Variants in MBOAT4 observed in about 807,000 individuals in gnomAD.
The protein encoded by MBOAT4 is membrane-bound ghrelin O-acyltransferase MBOAT4.
MBOAT4 carries 11 observed loss-of-function variants against 13.2 expected under a neutral mutation model. The ratio of observed to expected loss-of-function variants is 0.84; its 90% CI spans 0.53 to 1.38. MBOAT4 has a LOEUF of 1.38. Ranked by LOEUF, MBOAT4 falls within the 40% of genes most tolerant of loss-of-function variation. The pLI, the probability that MBOAT4 is intolerant of heterozygous loss-of-function variation, is 0.00. For synonymous variants in MBOAT4, 202 were observed against 210.3 expected (o/e 0.96, Z 0.34); for missense variants, 481 against 527.2 (o/e 0.91, Z 0.86).
chr8:30,142,920 T>C (rs904420445), intron 1 of MBOAT4, among the ~76,000 whole-genome samples: 3 of 152,178 alleles, frequency 2.0e-5, no homozygotes, highest in African/African-American at 4.8e-5. Flanking sequence ...TATATAAAAA[T>C]CCTAATTCCC....
intron 2 of MBOAT4, chr8:30,137,434 T>A (rs1172651280): frequency 6.4e-7 from 1 of 1,551,678 alleles, no homozygotes; most frequent in South Asian, 1.2e-5. Context: ...CAGTGCTGAG[T>A]CACTTCTGGG....
At chr8:30,138,377 T>C (rs1218075133) in intron 2 of MBOAT4, 155 bp downstream of exon 2, 2 of 593,340 alleles carry the variant, frequency 3.4e-6, no homozygotes, top group African/African-American at 3.7e-5. Context: ...GAAAAAGAAA[T>C]GAGTCTGAAA....
At chr8:30,133,748 C>T (rs1803076589) in intron 2 of MBOAT4, among the ~76,000 whole-genome samples, 2 of 143,394 alleles carry the variant, frequency 1.4e-5, no homozygotes, top group Admixed American at 1.4e-4. Flanking sequence ...ATGATTGCAC[C>T]ACTGCACTCC....
intron 1 of MBOAT4, among the ~76,000 whole-genome samples, chr8:30,141,275 T>C (rs1780712681): frequency 6.6e-6 from 1 of 152,210 alleles, no homozygotes; most frequent in African/African-American, 2.4e-5. Context: ...TTCTTCCTTC[T>C]GCATTATATG....
chr8:30,132,749 A>T lies in MBOAT4; in HGVS notation c.502T>A (p.Tyr168Asn). The T allele has an allele frequency of 6.4e-7, 1 of 1,551,722 alleles. No homozygotes were observed. The highest frequency in any genetic ancestry group is 8.7e-7 in the Non-Finnish European group (1 of 1,147,004). Residue 168 changes from tyrosine (Y) to asparagine (N), a missense_variant, in exon 3 of 3, where the codon TAC (tyrosine) becomes AAC (asparagine). By Grantham distance (143) the Tyr-to-Asn change is moderately radical. Coordinates refer to ENST00000320542, the MANE Select transcript of MBOAT4 (RefSeq NM_001100916.2). ...AGGAGAGCAGGGAAAAAGAGCAAGT[A>T]GCTGAAATAGGGCAGTGCCTTACAC... ...HVCKALPYFS[Y>N]LLFFPALLGG...
intron 1 of MBOAT4, among the ~76,000 whole-genome samples, chr8:30,140,237 A>G (rs1017246457): frequency 2.0e-5 from 3 of 152,120 alleles, no homozygotes; most frequent in Admixed American, 6.5e-5. Context: ...GAGTTTTGCC[A>G]TGTTGGCCAG....
chr8:30,134,867 T>C (rs563003981), intron 2 of MBOAT4, among the ~76,000 whole-genome samples: 1 of 151,028 alleles, frequency 6.6e-6, no homozygotes, highest in East Asian at 2.0e-4. Context: ...CTTTTCTTTT[T>C]TCTTTTCTTT....
chr8:30,144,625 G>A lies in MBOAT4; in HGVS notation c.-24C>T. On this transcript the variant is annotated 5_prime_UTR_variant, in exon 1 of 3. Coordinates refer to ENST00000320542, the MANE Select transcript of MBOAT4 (RefSeq NM_001100916.2). ...ATTAGGAACCAGAACAAAAGAGCCT[G>A]TCTTTTCCAGTGTCCTTAACTGATG... The A allele has an allele frequency of 2.1e-6, 3 of 1,436,544 alleles. No homozygotes were observed. Among genetic ancestry groups the A allele is most frequent in the Non-Finnish European group, 2.9e-6 (3 of 1,047,616 alleles). 89.0% of individuals were successfully genotyped at this position (1,436,544 alleles called of 1,614,324 possible).
At chr8:30,136,043 A>C (rs978605655) in intron 2 of MBOAT4, among the ~76,000 whole-genome samples, 4 of 152,150 alleles carry the variant, frequency 2.6e-5, no homozygotes, top group African/African-American at 9.7e-5. Context: ...ATTTAAGAAA[A>C]ACTGACCCCG....
rs76191438 is a variant in MBOAT4, at chr8:30,135,111, C to G, written c.345-2205G>C. ...TTCACTATGTTGGCCTGGCTAGTCT[C>G]AAACTCCTGGCCTCAAGTGATCCAC... is the stretch of plus-strand genomic sequence containing the variant. On this transcript the variant is annotated intron_variant, in intron 2 of 2. Coordinates refer to ENST00000320542, the MANE Select transcript of MBOAT4 (RefSeq NM_001100916.2). Among the ~76,000 whole-genome samples the G allele has an allele frequency of 5.4e-3, 794 of 148,236 alleles. 7 individuals carry two copies. Among genetic ancestry groups the G allele is most frequent in the African/African-American group, 0.019 (763 of 40,148 alleles).
At chr8:30,144,156 A>G (rs1400555096) in intron 1 of MBOAT4, among the ~76,000 whole-genome samples, 2 of 145,902 alleles carry the variant, frequency 1.4e-5, no homozygotes, top group East Asian at 4.0e-4. Context: ...TTTTTTTTAG[A>G]TAGAGGCTTG....
chr8:30,137,389 A>C, intron 2 of MBOAT4: 1 of 1,551,698 alleles, frequency 6.4e-7, no homozygotes, highest in Non-Finnish European at 8.7e-7. Context: ...ACCTGCAAGC[A>C]GAGTGTCCAC....
chr8:30,132,504 C>T lies in MBOAT4; in HGVS notation c.747G>A (p.Gly249=). ...GGGAGTAGTAGGTGAGCTTGAAAAG[C>T]CCAGCTGTGGTCCACACGACATAGA... ...ECIYVVWTTA[G]LFKLTYYSHW... The change falls in exon 3 of 3, where the codon GGG becomes GGA. Residue 249 remains glycine, a synonymous_variant. Coordinates refer to ENST00000320542, the MANE Select transcript of MBOAT4 (RefSeq NM_001100916.2). 1 of 1,551,704 alleles carries T rather than the reference C, an allele frequency of 6.4e-7. No individual in the cohort carries two copies. Among genetic ancestry groups the T allele is most frequent in the Non-Finnish European group, 8.7e-7 (1 of 1,146,994 alleles).
chr8:30,134,317 G>A (rs1218268201), intron 2 of MBOAT4, among the ~76,000 whole-genome samples: 1 of 152,002 alleles, frequency 6.6e-6, no homozygotes, highest in African/African-American at 2.4e-5. Flanking sequence ...TAGCTACTCG[G>A]GAGGCTGAGG....
intron 2 of MBOAT4, among the ~76,000 whole-genome samples, chr8:30,134,445 A>C (rs184767995): frequency 5.2e-4 from 79 of 152,058 alleles, no homozygotes; most frequent in Middle Eastern, 6.8e-3. Context: ...AAAAAAAAAA[A>C]CAAAAAAAAA....
rs1247198255 is a variant in MBOAT4, at chr8:30,132,104, A to G, written c.1147T>C (p.Trp383Arg). 4 of 1,551,780 alleles carry G rather than the reference A, an allele frequency of 2.6e-6. No individual in the cohort carries two copies. Among genetic ancestry groups the G allele is most frequent in the Non-Finnish European group, 3.5e-6 (4 of 1,147,010 alleles). ...PMRLFYRTLT[W>R]AHTQLIIAYI... ...GCAATGATCAACTGGGTGTGGGCCC[A>G]GGTGAGGGTTCTATAGAACAGCCTC... Residue 383 changes from tryptophan (W) to arginine (R), a missense_variant, in exon 3 of 3, where the codon TGG becomes CGG. Coordinates refer to ENST00000320542, the MANE Select transcript of MBOAT4 (RefSeq NM_001100916.2).
intron 2 of MBOAT4, chr8:30,137,559 T>C (rs991657400): frequency 1.6e-6 from 2 of 1,240,242 alleles, no homozygotes; most frequent in Non-Finnish European, 2.3e-6. Flanking sequence ...GCAGTGATGA[T>C]TAGTCACAAA....
chr8:30,131,865 T>G lies in MBOAT4; in HGVS notation c.*78A>C. ...AAATTTTATTATGGAAAAGTTCAAATGTATGCATTATCGATGCGTCATCTG... is the reference window on the plus strand; with the variant it reads ...AAATTTTATTATGGAAAAGTTCAAAGGTATGCATTATCGATGCGTCATCTG... On this transcript the variant is annotated 3_prime_UTR_variant, in exon 3 of 3. Transcript: ENST00000320542. 3 of 1,441,724 alleles carry G rather than the reference T, an allele frequency of 2.1e-6. No individual in the cohort carries two copies. The highest frequency in any genetic ancestry group is 2.8e-5 in the Admixed American group (1 of 36,230). The allele number at this position is 1,441,724 out of a possible 1,614,324, so 89.3% of individuals were successfully genotyped here. A position where few individuals can be genotyped will look rare whatever the true frequency, so the allele number is the denominator to read the frequency against.
intron 2 of MBOAT4, among the ~76,000 whole-genome samples, chr8:30,134,355 G>GGAGGCTC (rs1055230569): frequency 6.6e-6 from 1 of 151,754 alleles, no homozygotes; most frequent in Non-Finnish European, 1.5e-5. Context: ...CCTGGGAGGC[G>GGAGGCTC]GAGGTTGCAG....
Sources: allele counts gnomAD v4.1 joint callset (sites outside exome capture counted in the v4.1 genomes callset), GRCh38; gene constraint gnomAD v4.1.1; transcripts MANE v1.5; gene names NCBI Gene and HGNC (gene_info 2026-07-23, HGNC 2026-07-21).